The following SIDT2 variants were observed in gnomAD, a reference collection of about 807,000 sequenced individuals.
SIDT2 encodes the protein SID1 transmembrane family member 2, also known as SID1 transmembrane family, member 2.
A neutral mutation model predicts 114.4 loss-of-function variants in SIDT2; 68 were observed. That is an observed-to-expected ratio of 0.59 (90% CI 0.49 to 0.73). The LOEUF (loss-of-function observed/expected upper bound fraction) is 0.73, where lower values mean the gene tolerates loss of function less well. Among genes scored for constraint, SIDT2 ranks in the 30% least tolerant of loss-of-function variants. SIDT2 has a pLI of 0.00. For synonymous variants in SIDT2, 470 were observed against 438.4 expected, an observed-to-expected ratio of 1.07 and a Z score of -0.90; for missense variants, 918 against 1,097.1, an observed-to-expected ratio of 0.84 and a Z score of 2.31.
rs370592041 is a variant in SIDT2, at chr11:117,192,817, C to T, written c.2059-3C>T. 3.0e-5 allele frequency: 49 copies of T among 1,614,062 alleles called. No individual in the cohort carries two copies. The highest frequency in any genetic ancestry group is 1.0e-4 in the Admixed American group (6 of 60,006). The stretch of plus-strand genomic sequence containing the variant: ...CAGTCCCTGTGTCCCTGCTTCCCTC[C>T]AGGACCGCATGGTGCTGCTGGTCAT... On this transcript the variant is annotated splice_region_variant and splice_polypyrimidine_tract_variant and intron_variant, in intron 21 of 25. Transcript: ENST00000324225. This position sits in a 1 kb window ranked among gnomAD's most constrained non-coding sequence, Gnocchi z 5.9.
At position 117,185,196 on chromosome 11, in the gene SIDT2, C is replaced by T. The variant is rs6589604; in HGVS notation, c.869-934C>T. On this transcript the variant is annotated intron_variant, in intron 8 of 25. Transcript: ENST00000324225. ...TACCGAGTAGCTGGGACTACAGGTG[C>T]CCGCCACCACGCCCGGCTAATTTTT... is the stretch of plus-strand genomic sequence containing the variant. 5.2e-3 allele frequency among the ~76,000 whole-genome samples: 792 copies of T among 152,188 alleles called. 11 individuals are homozygous for T. Among genetic ancestry groups the T allele is most frequent in the African/African-American group, 0.018 (728 of 41,512 alleles).
In SIDT2 at chr11:117,192,003, G is replaced by A. The variant is rs1371922898; in HGVS notation, c.1861G>A (p.Val621Met). ...ACLAIVIFFS[V>M]LGVVFGKGNT... ...CCTGGCCATTGTCATCTTCTTCTCT[G>A]TGCTGGGCGTGGTGAGGGCCTGACC... is the stretch of plus-strand genomic sequence containing the variant. Residue 621 changes from valine to methionine, a missense_variant, in exon 19 of 26, where the codon GTG becomes ATG. Physicochemically the swap from Val to Met is conservative, Grantham distance 21. This residue lies in a region of SIDT2 where 275 missense variants were observed against 397.6 expected (regional missense o/e 0.69). Coordinates refer to ENST00000324225, the MANE Select transcript of SIDT2 (RefSeq NM_001040455.2). The surrounding 1 kb of genome is among the most constrained non-coding windows in gnomAD (Gnocchi z 5.9). 4 of 1,614,136 alleles carry A rather than the reference G, an allele frequency of 2.5e-6. No homozygotes were observed. In the East Asian group the frequency reaches 8.9e-5, roughly 36 times the overall value.
At chr11:117,179,503 C>T (rs1035581497) in intron 1 of SIDT2, 57 bp downstream of exon 1, 5 of 1,547,158 alleles carry the variant, frequency 3.2e-6, no homozygotes, top group African/African-American at 2.7e-5. Context: ...GAGGGCTAGG[C>T]GATTCTGCCG....
In SIDT2 at chr11:117,192,420, G is replaced by T; in HGVS notation, c.1981+58G>T. 1.4e-6 allele frequency: 2 copies of T among 1,396,588 alleles called. No individual in the cohort carries two copies. The highest frequency in any genetic ancestry group is 2.0e-6 in the Non-Finnish European group (2 of 989,672). 86.5% of individuals were successfully genotyped at this position (1,396,588 alleles called of 1,614,324 possible). On this transcript the variant is annotated intron_variant, in intron 20 of 25. Coordinates refer to ENST00000324225, the MANE Select transcript of SIDT2 (RefSeq NM_001040455.2). The surrounding 1 kb of genome is among the most constrained non-coding windows in gnomAD (Gnocchi z 5.9). ...GGGGTCTGGGGGGCCTTGGGAACCC[G>T]GACGCACGGGAGACGCTCAGGTTCT...
In SIDT2 at chr11:117,179,034, TC is replaced by T. The variant is rs1217512244; in HGVS notation, c.-226del. On this transcript the variant is annotated 5_prime_UTR_variant, in exon 1 of 26. Coordinates refer to ENST00000324225, the MANE Select transcript of SIDT2 (RefSeq NM_001040455.2). ...CTGGGACCCCTTCCCGTAGCCAGCA[TC>T]CCCTCCCTCCCCGCCCCCTCCCGGC... The T allele has an allele frequency of 6.7e-5, 38 of 563,136 alleles. No individual in the cohort carries two copies. Among genetic ancestry groups the T allele is most frequent in the Non-Finnish European group, 1.1e-4 (36 of 318,322 alleles). The allele number at this position is 563,136 out of a possible 1,614,324, so 34.9% of individuals were successfully genotyped here. A position where few individuals can be genotyped will look rare whatever the true frequency, so the allele number is the denominator to read the frequency against.
rs1187168132 is a variant in SIDT2, at chr11:117,195,881, TC to T, written c.2404del (p.Leu802SerfsTer14). The T allele has an allele frequency of 1.9e-6, 3 of 1,614,174 alleles. No homozygotes were observed. In the Admixed American group the frequency reaches 5.0e-5, roughly 27 times the overall value. On this transcript the variant is annotated frameshift_variant, in exon 25 of 26. Transcript: ENST00000324225. LOFTEE classifies it high-confidence loss of function. ...DFFDDHDIWH[F>X]LSSIAMFGSF... ...TTTGACGACCACGACATCTGGCACT[TC>T]CTCTCCTCCATCGCCATGTTCGGGT...
At position 117,192,417 on chromosome 11, in the gene SIDT2, C is replaced by A. The variant is rs1410496961; in HGVS notation, c.1981+55C>A. ...GGAGGGGTCTGGGGGGCCTTGGGAA[C>A]CCGGACGCACGGGAGACGCTCAGGT... On this transcript the variant is annotated intron_variant, in intron 20 of 25. Coordinates refer to ENST00000324225, the MANE Select transcript of SIDT2 (RefSeq NM_001040455.2). This position sits in a 1 kb window ranked among gnomAD's most constrained non-coding sequence, Gnocchi z 5.9. 1.6e-5 allele frequency: 22 copies of A among 1,408,970 alleles called. No individual in the cohort carries two copies. The highest frequency in any genetic ancestry group is 3.5e-4 in the Middle Eastern group (2 of 5,736). The allele number at this position is 1,408,970 out of a possible 1,614,324, so 87.3% of individuals were successfully genotyped here. A position where few individuals can be genotyped will look rare whatever the true frequency, so the allele number is the denominator to read the frequency against.
chr11:117,193,752 G>T, intron 23 of SIDT2, 101 bp from the exon 24 acceptor site: 1 of 807,020 alleles, frequency 1.2e-6, no homozygotes, highest in Admixed American at 2.0e-5. Context: ...CTGAAGGCCT[G>T]GGAGGCCATG....
chr11:117,179,326 G>A lies in SIDT2; in HGVS notation c.63G>A (p.Gly21=), dbSNP rs767729956. The change falls in exon 1 of 26, where the codon GGG becomes GGA. Residue 21 remains glycine, a synonymous_variant. Transcript: ENST00000324225. ...LLVASVESHL[G]VLGPKNVSQK... The stretch of plus-strand genomic sequence containing the variant: ...TGGCCTCGGTCGAGAGCCATCTGGG[G>A]GTTCTGGGGCCCAAGAACGTCTCGC... 5.6e-6 allele frequency: 9 copies of A among 1,614,048 alleles called. No homozygotes were observed. In the Admixed American group the frequency reaches 1.3e-4, roughly 24 times the overall value.
chr11:117,184,615 T>C (rs778957925), intron 8 of SIDT2, among the ~76,000 whole-genome samples: 2 of 152,164 alleles, frequency 1.3e-5, no homozygotes, highest in Non-Finnish European at 2.9e-5. Context: ...AGCACAAAAT[T>C]AGCAGATAAA....
chr11:117,182,442 G>A (rs963495713), intron 4 of SIDT2, 77 bp from the exon 5 acceptor site: 3 of 1,326,642 alleles, frequency 2.3e-6, no homozygotes, highest in African/African-American at 1.4e-5. Flanking sequence ...CTCGCTTATA[G>A]GGGACTATTC....
chr11:117,189,016 T>C lies in SIDT2; in HGVS notation c.1279-153T>C, dbSNP rs1329432738. The C allele has an allele frequency of 3.0e-6, 3 of 986,862 alleles. No homozygotes were observed. The African/African-American group carries it at 4.8e-5, about 16-fold the overall frequency. The allele number at this position is 986,862 out of a possible 1,614,324, so 61.1% of individuals were successfully genotyped here. Reference sequence around the variant, plus strand: ...TCCGGCCTGATTGGCCAAACCCTCTTGGTCTAAGCGGCCGCAGCAGTGGGA... The same window carrying C: ...TCCGGCCTGATTGGCCAAACCCTCTCGGTCTAAGCGGCCGCAGCAGTGGGA... On this transcript the variant is annotated intron_variant, in intron 13 of 25. Transcript: ENST00000324225.
At chr11:117,183,266 A>G (rs2030365680) in intron 6 of SIDT2, among the ~76,000 whole-genome samples, 1 of 151,878 alleles carries the variant, frequency 6.6e-6, no homozygotes, top group African/African-American at 2.4e-5. Context: ...AATCACTTGA[A>G]CCTGGGAGAC....
At chr11:117,193,069 A>G in intron 22 of SIDT2, 84 bp from the exon 23 acceptor site, 1 of 1,465,892 alleles carries the variant, frequency 6.8e-7, no homozygotes, top group Non-Finnish European at 9.6e-7. Context: ...CCAACATCAT[A>G]ATAAAACATG....
chr11:117,187,105 T>C, intron 10 of SIDT2: 1 of 1,404,558 alleles, frequency 7.1e-7, no homozygotes, highest in Non-Finnish European at 9.6e-7. Context: ...CAGTGTTGTC[T>C]TTGTTGCTGG....
chr11:117,183,204 G>A (rs1048058828), intron 6 of SIDT2, among the ~76,000 whole-genome samples: 1 of 151,728 alleles, frequency 6.6e-6, no homozygotes, highest in Admixed American at 6.6e-5. Context: ...AATTAGCTGG[G>A]CATGGTGGCG....
intron 13 of SIDT2, 92 bp from the exon 14 acceptor site, chr11:117,189,077 T>G: frequency 7.5e-7 from 1 of 1,339,288 alleles, no homozygotes; most frequent in South Asian, 1.2e-5. Flanking sequence ...TTCGGCCCTG[T>G]GTGAGGGAGG....
Position 117,182,847 on chromosome 11 carries a change from G to A in SIDT2, c.702+41G>A, listed in dbSNP as rs191714481. On this transcript the variant is annotated intron_variant, in intron 6 of 25. Coordinates refer to ENST00000324225, the MANE Select transcript of SIDT2 (RefSeq NM_001040455.2). ...GGCCACGTGGGAGGTGTGGCTGGGC[G>A]ATAAGCTGTGTAGCTTTCCAAACTT... is the stretch of plus-strand genomic sequence containing the variant. 6,049 of 1,589,046 alleles carry A rather than the reference G, an allele frequency of 3.8e-3. 15 individuals carry two copies. The highest frequency in any genetic ancestry group is 4.6e-3 in the Non-Finnish European group (5,356 of 1,166,646).
chr11:117,182,119 G>A lies in SIDT2; in HGVS notation c.516+14G>A. 1 of 1,613,634 alleles carries A rather than the reference G, an allele frequency of 6.2e-7. No homozygotes were observed. On this transcript the variant is annotated intron_variant, in intron 4 of 25. Coordinates refer to ENST00000324225, the MANE Select transcript of SIDT2 (RefSeq NM_001040455.2). ...GCACAGCCCCAGGTAACATCTCCCT[G>A]TTGATTGCTCGAGAGGAGAAATGGG...
Sources: allele counts gnomAD v4.1 joint callset (sites outside exome capture counted in the v4.1 genomes callset), GRCh38; gene constraint gnomAD v4.1.1; regional missense constraint gnomAD v4.1.1; non-coding constraint Gnocchi (gnomAD v3.1); transcripts MANE v1.5; gene names NCBI Gene and HGNC (gene_info 2026-07-23, HGNC 2026-07-21).